The following DACH1 variants were observed in gnomAD, a reference collection of about 807,000 sequenced individuals.
DACH1 encodes dachshund homolog 1.
DACH1 carries 12 observed loss-of-function variants against 54.2 expected under a neutral mutation model. The ratio of observed to expected loss-of-function variants is 0.22; its 90% CI spans 0.14 to 0.36. The LOEUF (loss-of-function observed/expected upper bound fraction) is 0.36, where lower values mean the gene tolerates loss of function less well. Ranked by LOEUF, DACH1 falls within the 10% of genes least tolerant of loss-of-function variation. The pLI, the probability that DACH1 is intolerant of heterozygous loss-of-function variation, is 1.00. For synonymous variants in DACH1, 386 were observed against 366.2 expected (o/e 1.05, Z -0.62); for missense variants, 805 against 929.8 (o/e 0.87, Z 1.75).
At chr13:71,862,781 C>T (rs549149276) in intron 1 of DACH1, among the ~76,000 whole-genome samples, 25 of 152,154 alleles carry the variant, frequency 1.6e-4, no homozygotes, top group East Asian at 1.5e-3. Context: ...AACATCATTT[C>T]GGTTCCTCAA....
At chr13:71,596,845 A>C (rs1874132988) in intron 3 of DACH1, among the ~76,000 whole-genome samples, 1 of 152,174 alleles carries the variant, frequency 6.6e-6, no homozygotes, top group Non-Finnish European at 1.5e-5. Flanking sequence ...CTATATTCAA[A>C]ATTTGTGGGC....
At chr13:71,665,901 C>A (rs920218895) in intron 2 of DACH1, among the ~76,000 whole-genome samples, 1 of 152,010 alleles carries the variant, frequency 6.6e-6, no homozygotes, top group African/African-American at 2.4e-5. Flanking sequence ...ATTTTGTGTA[C>A]CTTAATACTC....
chr13:71,633,564 T>G (rs539002362), intron 2 of DACH1, among the ~76,000 whole-genome samples: 12 of 151,934 alleles, frequency 7.9e-5, no homozygotes, highest in Admixed American at 2.6e-4. Flanking sequence ...AGTTTTACAT[T>G]TCTAATACAA....
intron 10 of DACH1, among the ~76,000 whole-genome samples, chr13:71,447,441 A>G (rs1874564916): frequency 6.6e-6 from 1 of 152,226 alleles, no homozygotes; most frequent in African/African-American, 2.4e-5. Flanking sequence ...CATCTAATAC[A>G]TATAGACAGA....
At chr13:71,604,728 G>A (rs1406438921) in intron 3 of DACH1, among the ~76,000 whole-genome samples, 1 of 151,866 alleles carries the variant, frequency 6.6e-6, no homozygotes, top group African/African-American at 2.4e-5. Flanking sequence ...GAACCCAGGT[G>A]TCACATGGCA....
At chr13:71,682,547 T>G (rs1418482091) in intron 1 of DACH1, among the ~76,000 whole-genome samples, 1 of 152,190 alleles carries the variant, frequency 6.6e-6, no homozygotes, top group Admixed American at 6.5e-5. Flanking sequence ...ATTTCTTTAT[T>G]TTTTGTCATT....
intron 1 of DACH1, among the ~76,000 whole-genome samples, chr13:71,815,165 G>C (rs1887860434): frequency 6.6e-6 from 1 of 152,132 alleles, no homozygotes; most frequent in East Asian, 1.9e-4. Flanking sequence ...GTTGACATTT[G>C]GGGATCAAAG....
At chr13:71,583,527 G>C (rs1186214300) in intron 3 of DACH1, among the ~76,000 whole-genome samples, 1 of 152,106 alleles carries the variant, frequency 6.6e-6, no homozygotes, top group Non-Finnish European at 1.5e-5. Context: ...TTCAGTGTGA[G>C]AGAAATCTAC....
intron 1 of DACH1, among the ~76,000 whole-genome samples, chr13:71,691,213 C>T (rs895618954): frequency 1.3e-5 from 2 of 152,164 alleles, no homozygotes; most frequent in African/African-American, 2.4e-5. Flanking sequence ...GCTCCTATCT[C>T]AAAATAATAT....
chr13:71,693,555 T>A (rs1881647224), intron 1 of DACH1, among the ~76,000 whole-genome samples: 1 of 148,824 alleles, frequency 6.7e-6, no homozygotes, highest in African/African-American at 2.5e-5. Context: ...CCTGACCTGG[T>A]GATCCGCCCG....
intron 6 of DACH1, among the ~76,000 whole-genome samples, chr13:71,546,205 CGT>C (rs1566330178): frequency 6.6e-6 from 1 of 151,990 alleles, no homozygotes; most frequent in Non-Finnish European, 1.5e-5. Context: ...ATCACAGCTT[CGT>C]AAAAGCACAC....
At chr13:71,698,418 T>C (rs1333540807) in intron 1 of DACH1, among the ~76,000 whole-genome samples, 1 of 152,150 alleles carries the variant, frequency 6.6e-6, no homozygotes, top group Non-Finnish European at 1.5e-5. Context: ...TGGTAGAATA[T>C]AATATTTCTC....
chr13:71,489,457 T>A (rs1277460190), intron 6 of DACH1, among the ~76,000 whole-genome samples: 3 of 152,126 alleles, frequency 2.0e-5, no homozygotes, highest in Non-Finnish European at 4.4e-5. Flanking sequence ...CAGGCTGACT[T>A]TATGGGCACC....
chr13:71,539,427 G>C (rs929115201), intron 6 of DACH1, among the ~76,000 whole-genome samples: 2 of 151,954 alleles, frequency 1.3e-5, no homozygotes, highest in Non-Finnish European at 2.9e-5. Context: ...AAACCTGTCA[G>C]AATTAACTAT....
intron 1 of DACH1, among the ~76,000 whole-genome samples, chr13:71,737,433 C>T (rs1884186898): frequency 6.6e-6 from 1 of 151,996 alleles, no homozygotes; most frequent in South Asian, 2.1e-4. Flanking sequence ...CAAACAACAG[C>T]CAAAGCACTA....
chr13:71,835,803 C>CAA (rs66516745), intron 1 of DACH1, among the ~76,000 whole-genome samples: 3 of 151,712 alleles, frequency 2.0e-5, no homozygotes, highest in Non-Finnish European at 4.4e-5. Context: ...CAAACAACAA[C>CAA]AAAAAAATCA....
rs570082342 is a variant in DACH1 at position 71,815,287 on chromosome 13, T to C, written c.848+50635A>G. Among the ~76,000 whole-genome samples the C allele has an allele frequency of 3.2e-3, 440 of 136,006 alleles. 2 individuals carry two copies. The highest frequency in any genetic ancestry group is 5.4e-3 in the Non-Finnish European group (354 of 65,008). 89.2% of individuals were successfully genotyped at this position (136,006 alleles called of 152,430 possible). A position where few individuals can be genotyped will look rare whatever the true frequency, so the allele number is the denominator to read the frequency against. On this transcript the variant is annotated intron_variant, in intron 1 of 10. Transcript: ENST00000613252. Reference sequence around the variant, plus strand: ...AAACCACCACAGACTGTTTTCTAGGTGTGGGTTTGAAAGTATTCATGTTGT... The same window carrying C: ...AAACCACCACAGACTGTTTTCTAGGCGTGGGTTTGAAAGTATTCATGTTGT...
chr13:71,652,975 T>C (rs1156511144), intron 2 of DACH1, among the ~76,000 whole-genome samples: 1 of 152,164 alleles, frequency 6.6e-6, no homozygotes, highest in South Asian at 2.1e-4. Flanking sequence ...TTATCCAAAT[T>C]TGAGTCCTCC....
intron 1 of DACH1, among the ~76,000 whole-genome samples, chr13:71,777,160 C>T (rs891757334): frequency 9.9e-5 from 15 of 152,050 alleles, no homozygotes; most frequent in African/African-American, 3.4e-4. Context: ...TAAAGGGGAG[C>T]TCAGGAAACA....
Sources: gnomAD v4.1 joint callset for allele counts (sites outside exome capture counted in the v4.1 genomes callset) on GRCh38, gnomAD v4.1.1 for gene constraint, MANE v1.5 for transcripts, NCBI Gene and HGNC (gene_info 2026-07-23, HGNC 2026-07-21) for gene names.